CCDC14: variants seen among roughly 807,000 people sequenced by gnomAD.
CCDC14 encodes the protein coiled-coil domain containing 14.
In CCDC14, 71 loss-of-function variants were observed where a neutral mutation model predicts 81.4. The observed-to-expected ratio is 0.87, with a 90% CI of 0.72 to 1.06. CCDC14 has a LOEUF of 1.06. Ranked by LOEUF, CCDC14 falls within the 50% of genes least tolerant of loss-of-function variation. The pLI is 0.00. For synonymous variants in CCDC14, 332 were observed against 364.8 expected (o/e 0.91, Z 1.03); for missense variants, 1,046 against 1,047.3 (o/e 1.00, Z 0.02).
intron 9 of CCDC14, among the ~76,000 whole-genome samples, chr3:123,934,281 A>AAC (rs2035931931): frequency 6.6e-5 from 10 of 150,598 alleles, no homozygotes; most frequent in Non-Finnish European, 1.2e-4. Flanking sequence ...AAAAAAAAAA[A>AAC]AAAAAAAAAA....
chr3:123,954,722 GA>G (rs1345645939), intron 5 of CCDC14: 8 of 152,190 alleles, frequency 5.3e-5, no homozygotes, highest in African/African-American at 1.7e-4. Context: ...ATTTACACTT[GA>G]AAAGGTAGGT....
In CCDC14 at chr3:123,930,716, A is replaced by C. The variant is rs149705914; in HGVS notation, c.1778+386T>G. The C allele has an allele frequency of 5.1e-3, 816 of 160,450 alleles. 1 individual carries two copies. The highest frequency in any genetic ancestry group is 8.8e-3 in the Non-Finnish European group (654 of 73,908). The allele number at this position is 160,450 out of a possible 1,614,324, so 9.9% of individuals were successfully genotyped here. On this transcript the variant is annotated intron_variant, in intron 12 of 12. Coordinates refer to ENST00000409697, the MANE Select transcript of CCDC14 (RefSeq NM_001366335.1). ...TTAGTTTCCCATGACAACTCTATTC[A>C]TGTCCCTACTTTACAGCTGAGGTTT...
chr3:123,947,129 C>T lies in CCDC14; in HGVS notation c.875G>A (p.Gly292Glu), dbSNP rs2036679073. ...TAGTAGGTCTGTTTCCTTATGAATT[C>T]CTTGTTGTGGCAGAATTCCATTAAC... The part of the protein sequence containing the change: ...GLVNGILPQQ[G>E]IHKETDLLKC... The change falls in exon 8 of 13, where the codon GGA becomes GAA. Residue 292 changes from glycine to glutamate, a missense_variant. Physicochemically the swap from Gly to Glu is moderately conservative, Grantham distance 98 (BLOSUM62 -2). Coordinates refer to ENST00000409697, the MANE Select transcript of CCDC14 (RefSeq NM_001366335.1). The T allele has an allele frequency of 6.2e-7, 1 of 1,613,750 alleles. No individual in the cohort carries two copies. The highest frequency in any genetic ancestry group is 1.7e-5 in the Admixed American group (1 of 59,994).
At chr3:123,957,379 C>A (rs1411221398) in intron 1 of CCDC14, 1 of 152,008 alleles carries the variant, frequency 6.6e-6, no homozygotes, top group Non-Finnish European at 1.5e-5. Context: ...GTTCTATAGT[C>A]CCAAATTCTT....
downstream of CCDC14, among the ~76,000 whole-genome samples, chr3:123,910,717 T>C (rs1022381443): frequency 6.6e-6 from 1 of 152,146 alleles, no homozygotes; most frequent in African/African-American, 2.4e-5. Context: ...GGGAGGCTAA[T>C]GCTAGGAACT....
At chr3:123,906,255 G>A (rs941650620) in intron 5 of CCDC14, among the ~76,000 whole-genome samples, 4 of 152,010 alleles carry the variant, frequency 2.6e-5, no homozygotes, top group African/African-American at 9.7e-5. Flanking sequence ...GCGTGAACAC[G>A]GGAGGCGGAG....
At position 123,948,941 on chromosome 3, in the gene CCDC14, G is replaced by A; in HGVS notation, c.544C>T (p.Pro182Ser). 1 of 1,613,944 alleles carries A rather than the reference G, an allele frequency of 6.2e-7. No individual in the cohort carries two copies. The highest frequency in any genetic ancestry group is 8.5e-7 in the Non-Finnish European group (1 of 1,179,860). Residue 182 changes from proline (P) to serine (S), a missense_variant, in exon 6 of 13, where the codon CCT (proline) becomes TCT (serine). Physicochemically the swap from Pro to Ser is moderately conservative, Grantham distance 74. Transcript: ENST00000409697. The stretch of plus-strand genomic sequence containing the variant: ...CATGGTACAGCAGGAATTCCATTAG[G>A]GATGTTCTTTGAAGTCAAGTCATTC... ...LMNDLTSKNI[P>S]NGIPAVPCHA...
At chr3:123,885,782 A>G in the CCDC14 span, among the ~76,000 whole-genome samples, 1 of 152,154 alleles carries the variant, frequency 6.6e-6, no homozygotes, top group African/African-American at 2.4e-5. Flanking sequence ...TCGATGCTCA[A>G]TTCCTAGATT....
At chr3:123,932,103 C>T (rs2035763650) in intron 10 of CCDC14, among the ~76,000 whole-genome samples, 1 of 152,118 alleles carries the variant, frequency 6.6e-6, no homozygotes, top group African/African-American at 2.4e-5. Context: ...TCAGCGAATG[C>T]TTCCTATGTG....
At chr3:123,929,540 C>T (rs114634622) in intron 12 of CCDC14, among the ~76,000 whole-genome samples, 7 of 152,166 alleles carry the variant, frequency 4.6e-5, no homozygotes, top group African/African-American at 1.7e-4. Flanking sequence ...TGGGCCCAGG[C>T]GATCCACCCA....
At chr3:123,924,595 AAAC>A (rs1389716859) in intron 12 of CCDC14, among the ~76,000 whole-genome samples, 2 of 152,284 alleles carry the variant, frequency 1.3e-5, no homozygotes, top group East Asian at 1.9e-4. Context: ...AACAGCAAAA[AAAC>A]AAATAATTAA....
intron 12 of CCDC14, among the ~76,000 whole-genome samples, chr3:123,917,504 AAAAAACAAAAAAC>A (rs1159003046): frequency 2.1e-4 from 27 of 131,030 alleles, no homozygotes; most frequent in East Asian, 1.5e-3. Flanking sequence ...CAACCAAAAA[AAAAAACAAAAAAC>A]AAAAAAACCC....
chr3:123,929,682 T>C (rs1435464500), intron 12 of CCDC14, among the ~76,000 whole-genome samples: 1 of 152,212 alleles, frequency 6.6e-6, no homozygotes, highest in Admixed American at 6.5e-5. Context: ...AGTTGAGAAC[T>C]GTCACCACTA....
At chr3:123,958,184 C>G (rs1409292479) in intron 1 of CCDC14, 1 of 152,074 alleles carries the variant, frequency 6.6e-6, no homozygotes, top group African/African-American at 2.4e-5. Context: ...TCTCAGGGTC[C>G]TTCCCTTTGG....
At chr3:123,931,653 G>T in intron 10 of CCDC14, 127 bp from the exon 11 acceptor site, 2 of 593,306 alleles carry the variant, frequency 3.4e-6, no homozygotes, top group Non-Finnish European at 5.8e-6. Flanking sequence ...ACGATTAATT[G>T]CATGAGCAGT....
rs761692571 is a variant in CCDC14, at chr3:123,926,572, TTAA to T, written c.1778+4527_1778+4529del. On this transcript the variant is annotated intron_variant, in intron 12 of 12. Coordinates refer to ENST00000409697, the MANE Select transcript of CCDC14 (RefSeq NM_001366335.1). ...TTTTTAAATATAAATATTATTTAAA[TTAA>T]TATTTAAAATATTATTTAAATTAAT... is the stretch of plus-strand genomic sequence containing the variant. 6.8e-5 allele frequency among the ~76,000 whole-genome samples: 10 copies of T among 146,986 alleles called. No homozygotes were observed. The East Asian group carries it at 1.2e-3, about 17-fold the overall frequency.
At chr3:123,891,204 C>G in the CCDC14 span, among the ~76,000 whole-genome samples, 2 of 152,194 alleles carry the variant, frequency 1.3e-5, no homozygotes, top group Non-Finnish European at 2.9e-5. Flanking sequence ...GGCCTCCTGG[C>G]CTGTGATGGG....
At chr3:123,951,636 TC>T (rs1250746064) in intron 5 of CCDC14, among the ~76,000 whole-genome samples, 2 of 152,172 alleles carry the variant, frequency 1.3e-5, no homozygotes, top group African/African-American at 4.8e-5. Context: ...TTTCCTCTGG[TC>T]CTTAAGAATT....
rs183039258 is a variant in CCDC14 at position 123,954,356 on chromosome 3, A to G, written c.352+1487T>C. Reference sequence around the variant, plus strand: ...CAGCACAAAAACAGCTAATAAAAACACATTAATAAATTAGCTTGGCTGCAT... The same window carrying G: ...CAGCACAAAAACAGCTAATAAAAACGCATTAATAAATTAGCTTGGCTGCAT... On this transcript the variant is annotated intron_variant, in intron 5 of 12. Transcript: ENST00000409697. 1.3e-3 allele frequency: 196 copies of G among 152,344 alleles called. 1 individual carries two copies. The highest frequency in any genetic ancestry group is 4.6e-3 in the African/African-American group (193 of 41,574). The allele number at this position is 152,344 out of a possible 1,614,324, so 9.4% of individuals were successfully genotyped here.
Sources: gnomAD v4.1 joint callset for allele counts (sites outside exome capture counted in the v4.1 genomes callset) on GRCh38, gnomAD v4.1.1 for gene constraint, MANE v1.5 for transcripts, NCBI Gene and HGNC (gene_info 2026-07-23, HGNC 2026-07-21) for gene names.